The following RIMS2 variants were observed in gnomAD, a reference collection of about 807,000 sequenced individuals.
RIMS2 encodes regulating synaptic membrane exocytosis 2, also known as regulating synaptic membrane exocytosis protein 2.
RIMS2 carries 59 observed loss-of-function variants against 174.4 expected under a neutral mutation model. The observed-to-expected ratio is 0.34, with a 90% CI of 0.27 to 0.42. The LOEUF (loss-of-function observed/expected upper bound fraction) is 0.42. RIMS2 is among the 10% of genes least tolerant of loss of function. RIMS2 has a pLI of 1.00. For synonymous variants in RIMS2, 606 were observed against 572.5 expected (o/e 1.06, Z -0.84); for missense variants, 1,620 against 1,666.3 (o/e 0.97, Z 0.48).
intron 1 of RIMS2, among the ~76,000 whole-genome samples, chr8:103,671,417 T>C (rs1315110476): frequency 1.3e-5 from 2 of 152,232 alleles, no homozygotes; most frequent in Middle Eastern, 3.2e-3. Flanking sequence ...TGGTATTCAA[T>C]TAATTATTGT....
At chr8:103,992,165 A>G (rs969301281) in intron 17 of RIMS2, among the ~76,000 whole-genome samples, 8 of 151,932 alleles carry the variant, frequency 5.3e-5, no homozygotes, top group African/African-American at 1.7e-4. Flanking sequence ...CTGGAGTTCA[A>G]TGGCGTTTTC....
intron 1 of RIMS2, among the ~76,000 whole-genome samples, chr8:103,559,751 GACAA>G (rs1563780504): frequency 6.6e-6 from 1 of 152,140 alleles, no homozygotes; most frequent in Non-Finnish European, 1.5e-5. Context: ...TTATTCTATT[GACAA>G]ACTAACAAGT....
intron 3 of RIMS2, among the ~76,000 whole-genome samples, chr8:103,790,837 G>A (rs2098490657): frequency 6.6e-6 from 1 of 152,076 alleles, no homozygotes; most frequent in African/African-American, 2.4e-5. Context: ...TGTTTACATT[G>A]TAAAAAATGG....
At chr8:103,880,737 T>A (rs759659604) in intron 3 of RIMS2, 1 of 453,394 alleles carries the variant, frequency 2.2e-6, no homozygotes, top group Non-Finnish European at 4.0e-6. Context: ...ATGTAAAAAT[T>A]TATATATTTT....
At chr8:103,510,487 A>T (rs1825917455) in intron 1 of RIMS2, among the ~76,000 whole-genome samples, 1 of 152,054 alleles carries the variant, frequency 6.6e-6, no homozygotes, top group Admixed American at 6.5e-5. Flanking sequence ...CTAAAGGAGG[A>T]TTGTTTCCTT....
At chr8:104,230,624 C>T (rs1034024614) in intron 19 of RIMS2, among the ~76,000 whole-genome samples, 13 of 151,830 alleles carry the variant, frequency 8.6e-5, no homozygotes, top group South Asian at 2.1e-4. Flanking sequence ...CCAGCCTGGG[C>T]GACAAAGTGA....
At chr8:104,197,083 G>A (rs549253997) in intron 19 of RIMS2, among the ~76,000 whole-genome samples, 80 of 151,610 alleles carry the variant, frequency 5.3e-4, no homozygotes, top group Middle Eastern at 3.4e-3. Context: ...TCTCATTGTT[G>A]TGTTTGTCAT....
chr8:103,983,208 A>G (rs1372718976), intron 16 of RIMS2, among the ~76,000 whole-genome samples: 1 of 152,228 alleles, frequency 6.6e-6, no homozygotes, highest in Admixed American at 6.5e-5. Flanking sequence ...AGATCTCTAC[A>G]ATGAAAACTA....
chr8:103,805,388 ATAAC>A (rs1306103780), intron 3 of RIMS2, among the ~76,000 whole-genome samples: 1 of 152,100 alleles, frequency 6.6e-6, no homozygotes, highest in Non-Finnish European at 1.5e-5. Flanking sequence ...GTTTTTTTAA[ATAAC>A]TAAGTCAGCA....
At chr8:103,694,594 G>C (rs2097075005) in intron 1 of RIMS2, among the ~76,000 whole-genome samples, 1 of 152,126 alleles carries the variant, frequency 6.6e-6, no homozygotes, top group Admixed American at 6.5e-5. Flanking sequence ...GGAACCTAGA[G>C]CTGTGGGATC....
Position 103,904,926 on chromosome 8 carries a change from G to T in RIMS2, c.1625-5208G>T, listed in dbSNP as rs139665096. On this transcript the variant is annotated intron_variant, in intron 4 of 23. Coordinates refer to ENST00000504942, the Ensembl canonical transcript of RIMS2. The stretch of plus-strand genomic sequence containing the variant: ...TATTTCTTTTTGTAGGTTTTTTTGT[G>T]TGGTTGCTTTAGGTAATATATTACA... 4.4e-3 allele frequency among the ~76,000 whole-genome samples: 670 copies of T among 151,800 alleles called. 9 individuals carry two copies. The highest frequency in any genetic ancestry group is 0.015 in the African/African-American group (618 of 41,426).
rs1457947805 is a variant in RIMS2 at position 103,623,798 on chromosome 8, T to G, written c.177-73288T>G. Among the ~76,000 whole-genome samples, 919 of 151,972 alleles carry G rather than the reference T, an allele frequency of 6.0e-3. 8 individuals carry two copies. The highest frequency in any genetic ancestry group is 0.021 in the African/African-American group (868 of 41,466). On this transcript the variant is annotated intron_variant, in intron 1 of 23. Transcript: ENST00000504942. ...GCCACCGCGCCCGGTCTCTTCATTTTTTTTTTTTAAAAAGGAAGGAACTAG... is the reference window on the plus strand; with the variant it reads ...GCCACCGCGCCCGGTCTCTTCATTTGTTTTTTTTAAAAAGGAAGGAACTAG...
At chr8:103,798,042 A>G (rs1048151422) in intron 3 of RIMS2, among the ~76,000 whole-genome samples, 3 of 152,158 alleles carry the variant, frequency 2.0e-5, no homozygotes, top group African/African-American at 2.4e-5. Context: ...AAAATTCCCA[A>G]TGGAATCATA....
intron 1 of RIMS2, among the ~76,000 whole-genome samples, chr8:103,544,997 C>T (rs896038727): frequency 3.3e-5 from 5 of 152,222 alleles, no homozygotes; most frequent in Non-Finnish European, 7.3e-5. Flanking sequence ...CTTCTTCCTT[C>T]CAAGTGACCA....
In RIMS2 at chr8:103,781,851, G is replaced by A. The variant is rs555164907; in HGVS notation, c.698+15314G>A. On this transcript the variant is annotated intron_variant, in intron 3 of 23. Transcript: ENST00000504942. ...CAACCTCTGCCTCCCAGGTTCAAGC[G>A]ATTCACCTGCCTCAGCCTCCCAAGT... Among the ~76,000 whole-genome samples the A allele has an allele frequency of 2.7e-5, 4 of 147,580 alleles. No homozygotes were observed. The South Asian group carries it at 8.7e-4, about 32-fold the overall frequency.
At chr8:103,959,447 G>C (rs1051620694) in intron 14 of RIMS2, among the ~76,000 whole-genome samples, 4 of 151,512 alleles carry the variant, frequency 2.6e-5, no homozygotes, top group Non-Finnish European at 5.9e-5. Flanking sequence ...TTTTGAGATG[G>C]AATCGCACTC....
At chr8:104,021,515 G>A (rs2096088302) in intron 19 of RIMS2, among the ~76,000 whole-genome samples, 1 of 152,120 alleles carries the variant, frequency 6.6e-6, no homozygotes. Context: ...TATTCAACAA[G>A]TTTTGAGAAC....
At chr8:103,662,722 A>ATC (rs1564197447) in intron 1 of RIMS2, among the ~76,000 whole-genome samples, 3 of 149,130 alleles carry the variant, frequency 2.0e-5, no homozygotes, top group African/African-American at 7.4e-5. Context: ...ATCTATCTAT[A>ATC]GTCTTATAAA....
intron 3 of RIMS2, among the ~76,000 whole-genome samples, chr8:103,791,760 G>T (rs1438633548): frequency 2.6e-5 from 4 of 152,034 alleles, no homozygotes; most frequent in Admixed American, 2.6e-4. Flanking sequence ...AAAAAGGTAG[G>T]GGTTGCAATC....
Sources: allele counts gnomAD v4.1 joint callset (sites outside exome capture counted in the v4.1 genomes callset), GRCh38; gene constraint gnomAD v4.1.1; transcripts MANE v1.5; gene names NCBI Gene and HGNC (gene_info 2026-07-23, HGNC 2026-07-21).